PARP16: variants seen among roughly 807,000 people sequenced by gnomAD.
PARP16 encodes poly(ADP-ribose) polymerase family member 16.
A neutral mutation model predicts 35.0 loss-of-function variants in PARP16; 31 were observed. The observed-to-expected ratio is 0.88, with a 90% confidence interval of 0.66 to 1.19. The LOEUF is 1.19. PARP16 is among the 50% of genes most tolerant of loss of function. The pLI, the probability that PARP16 is intolerant of heterozygous loss-of-function variation, is 0.00. For missense variants in PARP16, 424 were observed against 411.2 expected (o/e 1.03, Z -0.27); for synonymous variants, 162 against 169.5 (o/e 0.96, Z 0.34).
intron 3 of PARP16, among the ~76,000 whole-genome samples, chr15:65,239,424 TAAAAAAAAAA>T (rs758350761): frequency 1.7e-3 from 12 of 6,958 alleles, no homozygotes; most frequent in South Asian, 0.014. Context: ...AGACTTTGCC[TAAAAAAAAAA>T]AAAAAAAAAA....
At chr15:65,233,804 A>T (rs1025410054), downstream of PARP16, among the ~76,000 whole-genome samples, 1 of 152,188 alleles carries the variant, frequency 6.6e-6, no homozygotes, top group Non-Finnish European at 1.5e-5. Flanking sequence ...AAAATAAAAT[A>T]AAAATGTCCA....
chr15:65,260,636 CTCAG>C (rs1304894509), intron 5 of PARP16, among the ~76,000 whole-genome samples: 1 of 152,212 alleles, frequency 6.6e-6, no homozygotes, highest in African/African-American at 2.4e-5. Flanking sequence ...CCAATTTGGA[CTCAG>C]TCAGTCTCTC....
chr15:65,257,690 A>G (rs1256434296), downstream of PARP16, among the ~76,000 whole-genome samples: 1 of 151,992 alleles, frequency 6.6e-6, no homozygotes, highest in African/African-American at 2.4e-5. Context: ...CCAGTATAGT[A>G]AGGTGCCTTG....
chr15:65,278,395 C>A (rs558693839), intron 1 of PARP16, among the ~76,000 whole-genome samples: 10 of 152,352 alleles, frequency 6.6e-5, no homozygotes, highest in Non-Finnish European at 1.3e-4. Flanking sequence ...AGCTCACAGG[C>A]AACACATCTG....
intron 1 of PARP16, among the ~76,000 whole-genome samples, chr15:65,273,006 G>A (rs1348827924): frequency 1.3e-5 from 2 of 151,978 alleles, no homozygotes; most frequent in Admixed American, 6.6e-5. Flanking sequence ...GTGGCCCGGT[G>A]TGGTGGTTCA....
intron 3 of PARP16, among the ~76,000 whole-genome samples, chr15:65,243,511 A>G (rs535914599): frequency 2.0e-5 from 3 of 152,292 alleles, no homozygotes; most frequent in African/African-American, 4.8e-5. Context: ...TTGACCTCCC[A>G]AAGTGCTGGG....
At chr15:65,273,769 G>A (rs1340485658) in intron 1 of PARP16, among the ~76,000 whole-genome samples, 7 of 151,744 alleles carry the variant, frequency 4.6e-5, no homozygotes, top group South Asian at 2.1e-4. Flanking sequence ...CCAGCTACTC[G>A]GGAGGCTGAG....
intron 2 of PARP16, among the ~76,000 whole-genome samples, chr15:65,250,108 T>C (rs913892501): frequency 7.6e-5 from 2 of 26,386 alleles, no homozygotes; most frequent in African/African-American, 2.0e-4. Flanking sequence ...CCTGCTTGCC[T>C]TTTTTTTTTT....
intron 2 of PARP16, among the ~76,000 whole-genome samples, chr15:65,268,755 G>C (rs1011087718): frequency 2.6e-5 from 4 of 151,726 alleles, no homozygotes; most frequent in African/African-American, 9.7e-5. Context: ...CATTTCAGTG[G>C]TTTTTTCTTT....
Position 65,263,061 on chromosome 15 carries a change from T to C in PARP16, c.691+88A>G, listed in dbSNP as rs545546468. 1.3e-5 allele frequency: 16 copies of C among 1,253,492 alleles called. No individual in the cohort carries two copies. In the African/African-American group the frequency reaches 2.2e-4, roughly 17 times the overall value. 77.6% of individuals were successfully genotyped at this position (1,253,492 alleles called of 1,614,324 possible). A position where few individuals can be genotyped will look rare whatever the true frequency, so the allele number is the denominator to read the frequency against. On this transcript the variant is annotated intron_variant, in intron 4 of 5. Coordinates refer to ENST00000649807, the MANE Select transcript of PARP16 (RefSeq NM_001316943.2). ...TCCAGCCCAACCCTTGGGCATGCAA[T>C]GGGTGCTCTACCCAACAGCTGGGCC...
chr15:65,269,649 G>A (rs999563918), intron 2 of PARP16, among the ~76,000 whole-genome samples: 2 of 152,134 alleles, frequency 1.3e-5, no homozygotes, highest in African/African-American at 4.8e-5. Flanking sequence ...TCTTCATTCT[G>A]AAGTCAAGGC....
At chr15:65,264,393 G>C (rs560428849) in intron 3 of PARP16, among the ~76,000 whole-genome samples, 2 of 152,320 alleles carry the variant, frequency 1.3e-5, no homozygotes, top group Non-Finnish European at 2.9e-5. Flanking sequence ...CTATCCCTGA[G>C]CCACACTATC....
At chr15:65,233,341 G>A (rs970959194), downstream of PARP16, among the ~76,000 whole-genome samples, 13 of 151,946 alleles carry the variant, frequency 8.6e-5, no homozygotes, top group Admixed American at 3.3e-4. Context: ...GGCGGAGCTT[G>A]CAGTGAGCCA....
chr15:65,239,409 G>A lies in PARP16; in HGVS notation c.*98-4586C>T, dbSNP rs9635365. Among the ~76,000 whole-genome samples the A allele has an allele frequency of 5.5e-3, 349 of 63,372 alleles. 14 individuals carry two copies. In the East Asian group the frequency reaches 0.17, roughly 31 times the overall value. The allele number at this position is 63,372 out of a possible 152,430, so 41.6% of individuals were successfully genotyped here. On this transcript the variant is annotated intron_variant and NMD_transcript_variant, in intron 3 of 3. Transcript: ENST00000559805. ...ACCACTGCACGCTAGCCTGGCAACA[G>A]AGCAAGACTTTGCCTAAAAAAAAAA...
chr15:65,253,626 G>A (rs139127811), downstream of PARP16, among the ~76,000 whole-genome samples: 841 of 152,156 alleles, frequency 5.5e-3, 11 homozygotes, highest in African/African-American at 0.019. Context: ...CACCGCGCCC[G>A]GCCTTCATTC....
At position 65,248,084 on chromosome 15, in the gene PARP16, G is replaced by A. The variant is rs139012005; in HGVS notation, c.*97+33C>T. 3,202 of 444,524 alleles carry A rather than the reference G, an allele frequency of 7.2e-3. 27 individuals carry two copies. Among genetic ancestry groups the A allele is most frequent in the Non-Finnish European group, 0.01 (2,286 of 218,750 alleles). The allele number at this position is 444,524 out of a possible 1,614,324, so 27.5% of individuals were successfully genotyped here. A position where few individuals can be genotyped will look rare whatever the true frequency, so the allele number is the denominator to read the frequency against. The stretch of plus-strand genomic sequence containing the variant: ...CTCCCAAAGTGCTGGGATTACAGGC[G>A]TGAGCCACCGCTCCCGGCCGGATTG... On this transcript the variant is annotated intron_variant and NMD_transcript_variant, in intron 3 of 3. Transcript: ENST00000559805.
intron 1 of PARP16, chr15:65,285,577 C>A: frequency 3.0e-6 from 1 of 328,186 alleles, no homozygotes; most frequent in South Asian, 2.9e-5. Flanking sequence ...TGACAGGTCC[C>A]AAAGATACAT....
intron 3 of PARP16, among the ~76,000 whole-genome samples, chr15:65,247,286 C>T (rs1263284593): frequency 6.6e-6 from 1 of 152,156 alleles, no homozygotes; most frequent in Non-Finnish European, 1.5e-5. Flanking sequence ...TGAACCGCCA[C>T]ACCTGGCCCA....
intron 3 of PARP16, among the ~76,000 whole-genome samples, chr15:65,263,993 AAC>A (rs2089817273): frequency 6.6e-6 from 1 of 152,192 alleles, no homozygotes; most frequent in South Asian, 2.1e-4. Context: ...AATAAATAAA[AAC>A]ATAAAAATTA....
Sources: gnomAD v4.1 joint callset for allele counts (sites outside exome capture counted in the v4.1 genomes callset) on GRCh38, gnomAD v4.1.1 for gene constraint, MANE v1.5 for transcripts, NCBI Gene and HGNC (gene_info 2026-07-23, HGNC 2026-07-21) for gene names.